HS3ST2: variants seen among roughly 807,000 people sequenced by gnomAD.
HS3ST2 encodes the protein heparan sulfate glucosamine 3-O-sulfotransferase 2.
A neutral mutation model predicts 26.3 loss-of-function variants in HS3ST2; 17 were observed. That is an observed-to-expected ratio of 0.65 (90% CI 0.44 to 0.97). HS3ST2 has a LOEUF of 0.97. Among genes scored for constraint, HS3ST2 ranks in the 50% least tolerant of loss-of-function variants. HS3ST2 has a pLI of 0.00. For missense variants in HS3ST2, 402 were observed against 501.2 expected (o/e 0.80, Z 1.89); for synonymous variants, 237 against 219.2 (o/e 1.08, Z -0.72).
At chr16:22,914,825 T>G (rs1596635797) in intron 1 of HS3ST2, 119 bp from the exon 2 acceptor site, 2 of 910,442 alleles carry the variant, frequency 2.2e-6, no homozygotes, top group South Asian at 1.8e-5. Context: ...AAGCTTTGAG[T>G]GGAACAGAGG....
At chr16:22,818,704 CTTCCCTCCTTCCTTCCT>C in intron 1 of HS3ST2, among the ~76,000 whole-genome samples, 1 of 99,094 alleles carries the variant, frequency 1.0e-5, no homozygotes, top group African/African-American at 5.1e-5. Context: ...GCCTTCCTTC[CTTCCCTCCTTCCTTCCT>C]TCCCTCCCTC....
chr16:22,823,130 C>T (rs762835143), intron 1 of HS3ST2, among the ~76,000 whole-genome samples: 4 of 152,042 alleles, frequency 2.6e-5, no homozygotes, highest in African/African-American at 7.2e-5. Context: ...AATGGAAAAC[C>T]GGCAACACTT....
At chr16:22,912,569 C>T (rs2141750090) in intron 1 of HS3ST2, among the ~76,000 whole-genome samples, 1 of 152,288 alleles carries the variant, frequency 6.6e-6, no homozygotes, top group East Asian at 1.9e-4. Flanking sequence ...TTTATTGAAG[C>T]AGCAGTGTAC....
intron 1 of HS3ST2, among the ~76,000 whole-genome samples, chr16:22,821,413 C>G (rs1304816616): frequency 4.6e-5 from 7 of 151,256 alleles, no homozygotes; most frequent in African/African-American, 1.7e-4. Flanking sequence ...TGAATCATTC[C>G]TGTATGATCG....
intron 1 of HS3ST2, among the ~76,000 whole-genome samples, chr16:22,900,278 A>AG (rs1366610762): frequency 1.3e-5 from 2 of 152,310 alleles, no homozygotes; most frequent in Non-Finnish European, 1.5e-5. Context: ...TGGAGACTAG[A>AG]GGGGGATAAA....
chr16:22,844,510 G>C (rs1471076667), intron 1 of HS3ST2, among the ~76,000 whole-genome samples: 1 of 152,116 alleles, frequency 6.6e-6, no homozygotes, highest in Non-Finnish European at 1.5e-5. Flanking sequence ...TTCTGGGAGG[G>C]ATGTGGTTTG....
At chr16:22,911,610 T>C (rs1173031570) in intron 1 of HS3ST2, among the ~76,000 whole-genome samples, 1 of 152,216 alleles carries the variant, frequency 6.6e-6, no homozygotes, top group African/African-American at 2.4e-5. Flanking sequence ...CGGTGGCTGC[T>C]GGTGGCAATC....
At chr16:22,890,682 A>G (rs1902115649) in intron 1 of HS3ST2, among the ~76,000 whole-genome samples, 1 of 152,230 alleles carries the variant, frequency 6.6e-6, no homozygotes, top group Admixed American at 6.5e-5. Flanking sequence ...ACAGAGGAGA[A>G]AACTGAGGCT....
intron 1 of HS3ST2, among the ~76,000 whole-genome samples, chr16:22,911,644 A>C (rs915529713): frequency 6.6e-6 from 1 of 152,182 alleles, no homozygotes; most frequent in Non-Finnish European, 1.5e-5. Flanking sequence ...TCTTGTAGAC[A>C]TCTTACTTCA....
chr16:22,873,499 A>C (rs183246123), intron 1 of HS3ST2, among the ~76,000 whole-genome samples: 1 of 152,330 alleles, frequency 6.6e-6, no homozygotes, highest in East Asian at 1.9e-4. Flanking sequence ...GCAATGGGAG[A>C]TGGTTTTGTG....
At chr16:22,820,277 G>A (rs1309183327) in intron 1 of HS3ST2, among the ~76,000 whole-genome samples, 1 of 152,148 alleles carries the variant, frequency 6.6e-6, no homozygotes. Context: ...AGGAACATTC[G>A]GAATGGGCAA....
intron 1 of HS3ST2, among the ~76,000 whole-genome samples, chr16:22,905,839 G>A (rs1008445348): frequency 6.6e-6 from 1 of 152,160 alleles, no homozygotes; most frequent in East Asian, 1.9e-4. Context: ...TATGCTCCAA[G>A]CTTCTCTGAT....
rs959144946 is a variant in HS3ST2 at position 22,893,897 on chromosome 16, C to T, written c.486-21047C>T. 3.9e-5 allele frequency among the ~76,000 whole-genome samples: 6 copies of T among 152,240 alleles called. No homozygotes were observed. In the East Asian group the frequency reaches 7.7e-4, roughly 20 times the overall value. On this transcript the variant is annotated intron_variant, in intron 1 of 1. Coordinates refer to ENST00000261374, the MANE Select transcript of HS3ST2 (RefSeq NM_006043.2). ...CAACCGCCCAGGCTCAAGCGATCTT[C>T]CACCTCAGCCTCCCAAGCAGCTGGG...
chr16:22,880,986 G>A (rs1950862851), intron 1 of HS3ST2, among the ~76,000 whole-genome samples: 2 of 152,194 alleles, frequency 1.3e-5, no homozygotes, highest in Admixed American at 1.3e-4. Context: ...TAGATGCATC[G>A]CTGGACTTTC....
At chr16:22,845,000 G>A (rs191511209) in intron 1 of HS3ST2, among the ~76,000 whole-genome samples, 8,515 of 149,064 alleles carry the variant, frequency 0.057, 816 homozygotes, top group African/African-American at 0.2. Context: ...GATTACAGGT[G>A]CCTGCCACCA....
chr16:22,857,166 C>T (rs1298105600), intron 1 of HS3ST2, among the ~76,000 whole-genome samples: 1 of 152,128 alleles, frequency 6.6e-6, no homozygotes, highest in African/African-American at 2.4e-5. Context: ...GTTTCAATCC[C>T]ATGACTTTGT....
intron 1 of HS3ST2, among the ~76,000 whole-genome samples, chr16:22,859,985 A>G (rs1306393028): frequency 6.6e-6 from 1 of 152,040 alleles, no homozygotes; most frequent in African/African-American, 2.4e-5. Flanking sequence ...TTCCTCAAAC[A>G]TGTCAGGTTC....
At chr16:22,822,747 T>A (rs772616361) in intron 1 of HS3ST2, among the ~76,000 whole-genome samples, 3 of 151,064 alleles carry the variant, frequency 2.0e-5, no homozygotes, top group Non-Finnish European at 4.4e-5. Flanking sequence ...CCCAGCTACT[T>A]GGGAGGCTGA....
chr16:22,836,029 G>C (rs1158492613), intron 1 of HS3ST2, among the ~76,000 whole-genome samples: 1 of 150,302 alleles, frequency 6.7e-6, no homozygotes. Flanking sequence ...AAAAAAAATA[G>C]ACAAACATTT....
Sources: allele counts gnomAD v4.1 joint callset (sites outside exome capture counted in the v4.1 genomes callset), GRCh38; gene constraint gnomAD v4.1.1; transcripts MANE v1.5; gene names NCBI Gene and HGNC (gene_info 2026-07-23, HGNC 2026-07-21).